The following ERGIC1 variants were observed in gnomAD, a reference collection of about 807,000 sequenced individuals.
ERGIC1 encodes the protein endoplasmic reticulum-Golgi intermediate compartment protein 1.
Under a neutral mutation model 38.3 loss-of-function variants are expected in ERGIC1, and 19 were observed. The ratio of observed to expected loss-of-function variants is 0.50; its 90% CI spans 0.35 to 0.73. ERGIC1 has a LOEUF of 0.73. Among genes scored for constraint, ERGIC1 ranks in the 30% least tolerant of loss-of-function variants. ERGIC1 has a pLI of 0.01. For missense variants in ERGIC1, 294 were observed against 389.2 expected (o/e 0.76, Z 2.06); for synonymous variants, 124 against 157.6 (o/e 0.79, Z 1.60).
At chr5:172,865,443 T>A (rs1177620365) in intron 1 of ERGIC1, among the ~76,000 whole-genome samples, 1 of 152,240 alleles carries the variant, frequency 6.6e-6, no homozygotes, top group African/African-American at 2.4e-5. Context: ...CTTGGTTTTC[T>A]TTCTTTCTAA....
chr5:172,895,751 G>T (rs1762707753), intron 2 of ERGIC1, among the ~76,000 whole-genome samples: 1 of 152,042 alleles, frequency 6.6e-6, no homozygotes, highest in African/African-American at 2.4e-5. Flanking sequence ...AGCAAGCAGA[G>T]AGGATAACCA....
intron 4 of ERGIC1, 35 bp downstream of exon 4, chr5:172,909,796 A>G: frequency 6.3e-7 from 1 of 1,580,656 alleles, no homozygotes; most frequent in East Asian, 2.2e-5. Context: ...CTCCAGCAGG[A>G]CACCTCCTTA....
chr5:172,854,610 GGT>G (rs370053879), intron 1 of ERGIC1, among the ~76,000 whole-genome samples: 36 of 152,332 alleles, frequency 2.4e-4, no homozygotes, highest in African/African-American at 7.2e-4. Context: ...GGTGAGTGTG[GGT>G]GTGTGGGCGT....
intron 3 of ERGIC1, among the ~76,000 whole-genome samples, chr5:172,907,640 T>C (rs1441438908): frequency 6.6e-6 from 1 of 151,792 alleles, no homozygotes; most frequent in East Asian, 1.9e-4. Context: ...AAAGCAGCCA[T>C]GCCCTCCCCA....
intron 1 of ERGIC1, among the ~76,000 whole-genome samples, chr5:172,881,766 T>C (rs574188299): frequency 3.3e-5 from 5 of 152,348 alleles, no homozygotes; most frequent in Admixed American, 3.3e-4. Flanking sequence ...GAGCCTCATC[T>C]GTAAAATGGA....
chr5:172,909,137 C>T (rs1392579339), intron 3 of ERGIC1, among the ~76,000 whole-genome samples: 1 of 151,044 alleles, frequency 6.6e-6, no homozygotes, highest in Non-Finnish European at 1.5e-5. Flanking sequence ...TGACCCCACC[C>T]CTTCTCTTTC....
intron 1 of ERGIC1, among the ~76,000 whole-genome samples, chr5:172,869,294 A>C (rs1357231959): frequency 2.0e-5 from 3 of 152,242 alleles, no homozygotes; most frequent in Non-Finnish European, 4.4e-5. Context: ...CACCCCTGCC[A>C]GGGAATTGCA....
chr5:172,950,922 A>C lies in ERGIC1; in HGVS notation c.*106A>C. 1.0e-6 allele frequency: 1 copy of C among 973,428 alleles called. No homozygotes were observed. Among genetic ancestry groups the C allele is most frequent in the Non-Finnish European group, 1.5e-6 (1 of 674,160 alleles). 60.3% of individuals were successfully genotyped at this position (973,428 alleles called of 1,614,324 possible). A position where few individuals can be genotyped will look rare whatever the true frequency, so the allele number is the denominator to read the frequency against. Reference sequence around the variant, plus strand: ...CTGGTCCCAAATCTGGCTGTGTCCCAAAGGGTGTGTGGGAAGTGGGGGGAA... The same window carrying C: ...CTGGTCCCAAATCTGGCTGTGTCCCCAAGGGTGTGTGGGAAGTGGGGGGAA... On this transcript the variant is annotated 3_prime_UTR_variant, in exon 10 of 10. Transcript: ENST00000393784.
intron 1 of ERGIC1, among the ~76,000 whole-genome samples, chr5:172,882,997 G>A (rs765514888): frequency 3.6e-4 from 54 of 152,074 alleles, no homozygotes; most frequent in Non-Finnish European, 6.3e-4. Context: ...CAGTGGAGTC[G>A]TCATAGCTCA....
chr5:172,896,633 G>C (rs1762729556), intron 2 of ERGIC1, among the ~76,000 whole-genome samples: 1 of 152,226 alleles, frequency 6.6e-6, no homozygotes, highest in African/African-American at 2.4e-5. Context: ...GACTGTTCAA[G>C]GTGGACTCCA....
At chr5:172,900,790 G>GGAGA (rs1561725583) in intron 3 of ERGIC1, among the ~76,000 whole-genome samples, 1 of 152,148 alleles carries the variant, frequency 6.6e-6, no homozygotes. Flanking sequence ...GTCAGCGGCT[G>GGAGA]GAGAGAGGGA....
chr5:172,892,470 G>A (rs928626801), intron 2 of ERGIC1, among the ~76,000 whole-genome samples: 87 of 152,200 alleles, frequency 5.7e-4, no homozygotes, highest in African/African-American at 2.0e-3. Flanking sequence ...TTACGTGACT[G>A]TGTGACCTTG....
chr5:172,889,259 G>A (rs912039264), intron 2 of ERGIC1, among the ~76,000 whole-genome samples: 1 of 152,086 alleles, frequency 6.6e-6, no homozygotes. Flanking sequence ...ACTTCAGCCT[G>A]GGCAACAAGA....
At chr5:172,888,277 T>C (rs996217285) in intron 1 of ERGIC1, among the ~76,000 whole-genome samples, 8 of 151,928 alleles carry the variant, frequency 5.3e-5, no homozygotes, top group African/African-American at 1.9e-4. Context: ...CTGGGCAACA[T>C]GGCAAAACCC....
intron 3 of ERGIC1, among the ~76,000 whole-genome samples, chr5:172,903,927 G>A (rs1254658183): frequency 6.6e-6 from 1 of 151,266 alleles, no homozygotes; most frequent in African/African-American, 2.4e-5. Context: ...TACCAAGAAG[G>A]GTGTGGAATC....
chr5:172,913,225 A>G (rs1581568504), intron 4 of ERGIC1, among the ~76,000 whole-genome samples: 1 of 152,214 alleles, frequency 6.6e-6, no homozygotes, highest in South Asian at 2.1e-4. Context: ...CATTCTTTGT[A>G]CCTGCCGCAC....
At chr5:172,904,161 AT>A (rs769035302) in intron 3 of ERGIC1, among the ~76,000 whole-genome samples, 17 of 151,300 alleles carry the variant, frequency 1.1e-4, no homozygotes, top group Non-Finnish European at 2.1e-4. Flanking sequence ...TTATTTTCTT[AT>A]TTTAGTGAGG....
chr5:172,874,806 C>G (rs1405805231), intron 1 of ERGIC1, among the ~76,000 whole-genome samples: 1 of 151,720 alleles, frequency 6.6e-6, no homozygotes, highest in East Asian at 1.9e-4. Context: ...GTGCGCTTGT[C>G]CTAGCTCCTT....
At chr5:172,946,393 C>T (rs1256026133) in intron 9 of ERGIC1, among the ~76,000 whole-genome samples, 1 of 152,226 alleles carries the variant, frequency 6.6e-6, no homozygotes, top group Admixed American at 6.5e-5. Context: ...CCCTCCCCTC[C>T]GTGAGTTCCT....
Sources: allele counts gnomAD v4.1 joint callset (sites outside exome capture counted in the v4.1 genomes callset), GRCh38; gene constraint gnomAD v4.1.1; transcripts MANE v1.5; gene names NCBI Gene and HGNC (gene_info 2026-07-23, HGNC 2026-07-21).